Variants in USP34 observed in about 807,000 individuals in gnomAD.
USP34 encodes ubiquitin carboxyl-terminal hydrolase 34.
USP34 carries 70 observed loss-of-function variants against 460.3 expected under a neutral mutation model. The ratio of observed to expected loss-of-function variants is 0.15; its 90% CI spans 0.13 to 0.19. The LOEUF is 0.19. Ranked by LOEUF, USP34 falls within the 10% of genes least tolerant of loss-of-function variation. USP34 has a pLI of 1.00. For missense variants in USP34, 3,985 were observed against 4,236.2 expected (o/e 0.94, Z 1.65); for synonymous variants, 1,647 against 1,405.3 (o/e 1.17, Z -3.85).
In USP34 at chr2:61,406,131, A is replaced by G. The variant is rs146595303; in HGVS notation, c.132-3T>C. 1.3e-3 allele frequency: 2,021 copies of G among 1,533,808 alleles called. 2 individuals carry two copies. Among genetic ancestry groups the G allele is most frequent in the South Asian group, 3.9e-3 (307 of 77,798 alleles). ...CCTTGAAGCAGCATAGACATTGCCT[A>G]TAAGAGAAAAAAAATTGAATAAATT... On this transcript the variant is annotated splice_polypyrimidine_tract_variant and splice_region_variant and intron_variant, in intron 2 of 79. Transcript: ENST00000398571.
At chr2:61,337,357 C>T (rs1691453030) in intron 18 of USP34, among the ~76,000 whole-genome samples, 1 of 151,120 alleles carries the variant, frequency 6.6e-6, no homozygotes, top group Admixed American at 6.6e-5. Flanking sequence ...AATGTTACTG[C>T]TATATAGTAT....
chr2:61,405,856 G>C lies in USP34; in HGVS notation c.404C>G (p.Thr135Ser). ...KSNSTRICNL[T>S]EEESSKSSDP... is the part of the protein sequence containing the mutation. ...AGAACTCTTTGAAGATTCCTCCTCAGTCAGATTACAAATTCTTGTAGAGTT... is the reference window on the plus strand; with the variant it reads ...AGAACTCTTTGAAGATTCCTCCTCACTCAGATTACAAATTCTTGTAGAGTT... The change falls in exon 3 of 80, where the codon ACT becomes AGT. Residue 135 changes from threonine (T) to serine (S), a missense_variant. Transcript: ENST00000398571. 6.2e-7 allele frequency: 1 copy of C among 1,613,808 alleles called. No homozygotes were observed. Among genetic ancestry groups the C allele is most frequent in the Non-Finnish European group, 8.5e-7 (1 of 1,179,942 alleles).
In USP34 at chr2:61,405,930, C is replaced by T. The variant is rs1693857343; in HGVS notation, c.330G>A (p.Glu110=). 1.9e-6 allele frequency: 3 copies of T among 1,613,584 alleles called. No homozygotes were observed. Among genetic ancestry groups the T allele is most frequent in the Non-Finnish European group, 2.5e-6 (3 of 1,179,926 alleles). ...GTCTTTCTGTACTTCCTTCATTACACTCTCTATCTATATTCAGTGGTTCTT... is the reference window on the plus strand; with the variant it reads ...GTCTTTCTGTACTTCCTTCATTACATTCTCTATCTATATTCAGTGGTTCTT... ...QAEEPLNIDR[E]CNEGSTERQK... Residue 110 remains glutamate (E), a synonymous_variant, in exon 3 of 80, where the codon GAG becomes GAA. Coordinates refer to ENST00000398571, the MANE Select transcript of USP34 (RefSeq NM_014709.4).
At chr2:61,265,960 T>G in intron 42 of USP34, 24 bp downstream of exon 42, 1 of 1,530,808 alleles carries the variant, frequency 6.5e-7, no homozygotes, top group Non-Finnish European at 8.8e-7. Context: ...TCTATAAAGA[T>G]TAAAGGAAAA....
At chr2:61,379,337 G>A (rs890898643) in intron 7 of USP34, among the ~76,000 whole-genome samples, 25 of 152,146 alleles carry the variant, frequency 1.6e-4, no homozygotes, top group Non-Finnish European at 2.1e-4. Context: ...TGGCCAACAC[G>A]GTAAAAACCC....
At chr2:61,349,430 G>T in intron 12 of USP34, 145 bp from the exon 13 acceptor site, 1 of 714,008 alleles carries the variant, frequency 1.4e-6, no homozygotes, top group Non-Finnish European at 2.2e-6. Context: ...ACCTACAGTA[G>T]TTGTTGGGGG....
chr2:61,319,130 G>T, intron 22 of USP34, 43 bp downstream of exon 22: 5 of 1,509,872 alleles, frequency 3.3e-6, no homozygotes, highest in South Asian at 1.3e-5. Context: ...GATGAAAAAG[G>T]GAACATGGAA....
chr2:61,248,749 G>C lies in USP34; in HGVS notation c.6222-66C>G. ...AAATACTTCAGTTGGTTTGATTTCT[G>C]TTATGCTATATCCATTTCAATTTTC... is the stretch of plus-strand genomic sequence containing the variant. On this transcript the variant is annotated intron_variant, in intron 48 of 79. Coordinates refer to ENST00000398571, the MANE Select transcript of USP34 (RefSeq NM_014709.4). 7.8e-6 allele frequency: 11 copies of C among 1,411,146 alleles called. No individual in the cohort carries two copies. The South Asian group carries it at 1.6e-4, about 21-fold the overall frequency. The allele number at this position is 1,411,146 out of a possible 1,614,324, so 87.4% of individuals were successfully genotyped here. A position where few individuals can be genotyped will look rare whatever the true frequency, so the allele number is the denominator to read the frequency against.
At chr2:61,320,735 C>T (rs547534008) in intron 21 of USP34, among the ~76,000 whole-genome samples, 2 of 152,136 alleles carry the variant, frequency 1.3e-5, no homozygotes, top group African/African-American at 4.8e-5. Context: ...GTAGGCTGGG[C>T]GTGGTGGCTC....
At chr2:61,297,787 G>C (rs1304742444) in intron 29 of USP34, among the ~76,000 whole-genome samples, 1 of 152,026 alleles carries the variant, frequency 6.6e-6, no homozygotes, top group Admixed American at 6.6e-5. Context: ...TTGTAGCCCA[G>C]GCTGGAGTGC....
At chr2:61,391,088 C>A (rs1693331190) in intron 5 of USP34, among the ~76,000 whole-genome samples, 2 of 149,258 alleles carry the variant, frequency 1.3e-5, no homozygotes, top group East Asian at 2.0e-4. Context: ...AGCGAGACTC[C>A]AGCTCAAAAA....
chr2:61,314,212 T>C (rs1295964711), intron 25 of USP34, among the ~76,000 whole-genome samples: 1 of 151,998 alleles, frequency 6.6e-6, no homozygotes, highest in Admixed American at 6.6e-5. Flanking sequence ...TTGATTCAAC[T>C]ATGAGATTAT....
chr2:61,297,847 A>T (rs747655889), intron 29 of USP34, among the ~76,000 whole-genome samples: 1 of 152,138 alleles, frequency 6.6e-6, no homozygotes, highest in African/African-American at 2.4e-5. Flanking sequence ...GGTTCAAGCA[A>T]TTCTCCAATG....
At chr2:61,229,503 A>T in intron 59 of USP34, 45 bp downstream of exon 59, 1 of 1,291,380 alleles carries the variant, frequency 7.7e-7, no homozygotes, top group Non-Finnish European at 1.1e-6. Context: ...AACACCACAC[A>T]CACACAACAC....
At chr2:61,370,725 G>T in intron 8 of USP34, 146 bp from the exon 9 acceptor site, 1 of 659,878 alleles carries the variant, frequency 1.5e-6, no homozygotes, top group Non-Finnish European at 2.6e-6. Flanking sequence ...ATACTACAAA[G>T]CATAACTAGA....
intron 24 of USP34, 48 bp downstream of exon 24, chr2:61,314,827 C>A: frequency 6.3e-7 from 1 of 1,594,978 alleles, no homozygotes; most frequent in South Asian, 1.1e-5. Flanking sequence ...TTTCACAAAA[C>A]ACCCTCACAT....
chr2:61,403,832 C>T (rs1378631426), intron 3 of USP34, among the ~76,000 whole-genome samples: 6 of 151,238 alleles, frequency 4.0e-5, no homozygotes, highest in Non-Finnish European at 1.5e-5. Context: ...CTAAAAAATA[C>T]AAAGAAAAAA....
chr2:61,423,436 A>C (rs1350675402), intron 1 of USP34, among the ~76,000 whole-genome samples: 2 of 152,198 alleles, frequency 1.3e-5, no homozygotes, highest in Non-Finnish European at 2.9e-5. Context: ...TTAAAAAGGA[A>C]ATATTAAAAA....
chr2:61,199,174 G>A (rs552825608), intron 75 of USP34, among the ~76,000 whole-genome samples: 4 of 152,050 alleles, frequency 2.6e-5, no homozygotes, highest in Admixed American at 2.6e-4. Context: ...TGTGTCCTAG[G>A]TAGCATGGTC....
Sources: allele counts gnomAD v4.1 joint callset (sites outside exome capture counted in the v4.1 genomes callset), GRCh38; gene constraint gnomAD v4.1.1; transcripts MANE v1.5; gene names NCBI Gene and HGNC (gene_info 2026-07-23, HGNC 2026-07-21).